INPP5F: variants seen among roughly 807,000 people sequenced by gnomAD.
INPP5F encodes inositol polyphosphate-5-phosphatase F.
A neutral mutation model predicts 137.2 loss-of-function variants in INPP5F; 97 were observed. That is an observed-to-expected ratio of 0.71 (90% confidence interval 0.60 to 0.84). The LOEUF is 0.84. INPP5F is among the 40% of genes least tolerant of loss of function. INPP5F has a pLI of 0.00. For missense variants in INPP5F, 1,271 were observed against 1,371.9 expected (o/e 0.93, Z 1.16); for synonymous variants, 504 against 476.9 (o/e 1.06, Z -0.74).
At chr10:119,757,731 C>T (rs1248878948) in intron 2 of INPP5F, among the ~76,000 whole-genome samples, 1 of 152,070 alleles carries the variant, frequency 6.6e-6, no homozygotes, top group Non-Finnish European at 1.5e-5. Context: ...GTGGATGCTG[C>T]AGTGAGCTGA....
At chr10:119,785,656 C>T (rs1167891272) in intron 3 of INPP5F, among the ~76,000 whole-genome samples, 1 of 151,128 alleles carries the variant, frequency 6.6e-6, no homozygotes, top group Non-Finnish European at 1.5e-5. Flanking sequence ...GCCAGGAGTT[C>T]GAGACCAGCC....
At chr10:119,814,219 GTC>G (rs1287786853) in intron 15 of INPP5F, among the ~76,000 whole-genome samples, 2 of 151,858 alleles carry the variant, frequency 1.3e-5, no homozygotes, top group Non-Finnish European at 2.9e-5. Flanking sequence ...GAGAAACCTC[GTC>G]TCTACTAAAA....
At chr10:119,786,771 T>C (rs144855082) in intron 3 of INPP5F, among the ~76,000 whole-genome samples, 152 of 152,216 alleles carry the variant, frequency 1.0e-3, no homozygotes, top group African/African-American at 3.5e-3. Flanking sequence ...TGCCTACCTT[T>C]ACCTCCCAAA....
intron 2 of INPP5F, 83 bp from the exon 3 acceptor site, chr10:119,781,552 C>G: frequency 8.6e-7 from 1 of 1,163,734 alleles, no homozygotes; most frequent in South Asian, 2.6e-5. Context: ...TTTTTGTTAT[C>G]ATTGTTAGGT....
intron 9 of INPP5F, among the ~76,000 whole-genome samples, chr10:119,801,294 C>T (rs1850583113): frequency 6.6e-6 from 1 of 152,178 alleles, no homozygotes; most frequent in African/African-American, 2.4e-5. Context: ...AAAAATCCCA[C>T]AAAACAAAAT....
chr10:119,731,480 A>G (rs959236709), intron 1 of INPP5F, among the ~76,000 whole-genome samples: 3 of 152,184 alleles, frequency 2.0e-5, no homozygotes, highest in Admixed American at 2.0e-4. Flanking sequence ...CCTAGCCAAC[A>G]TGGTAAAACC....
intron 6 of INPP5F, among the ~76,000 whole-genome samples, chr10:119,795,697 A>G (rs897467419): frequency 6.6e-6 from 1 of 152,092 alleles, no homozygotes. Context: ...AGAGGCTGCA[A>G]TCTCGGCACT....
At chr10:119,790,910 G>A (rs890903463) in intron 3 of INPP5F, among the ~76,000 whole-genome samples, 2 of 152,286 alleles carry the variant, frequency 1.3e-5, no homozygotes, top group Middle Eastern at 3.4e-3. Context: ...CAGCTGTGCG[G>A]CACTTCTCCT....
At chr10:119,774,256 G>A (rs1849449572) in intron 2 of INPP5F, among the ~76,000 whole-genome samples, 1 of 91,844 alleles carries the variant, frequency 1.1e-5, no homozygotes, top group Non-Finnish European at 2.0e-5. Flanking sequence ...GGGAGACTCA[G>A]TCTCCAAAAA....
At chr10:119,809,216 G>T (rs2134252306) in intron 13 of INPP5F, among the ~76,000 whole-genome samples, 1 of 122,106 alleles carries the variant, frequency 8.2e-6, no homozygotes, top group Admixed American at 1.0e-4. Flanking sequence ...GACAGAGCGA[G>T]ACTCTGTCTC....
At chr10:119,749,470 G>A (rs1848631655) in intron 1 of INPP5F, among the ~76,000 whole-genome samples, 2 of 152,228 alleles carry the variant, frequency 1.3e-5, no homozygotes, top group East Asian at 1.9e-4. Flanking sequence ...GGTGGGATAG[G>A]TGATGATTTT....
rs1851825283 is a variant in INPP5F, at chr10:119,827,639, A to G, written c.3258A>G (p.Gln1086=). ...SSMVQVASIT[Q]AGLTHGINFA... is the part of the protein sequence containing the mutation. Reference sequence around the variant, plus strand: ...TGGTCCAGGTTGCTAGTATTACCCAAGCTGGATTAACCCATGGGATAAACT... The same window carrying G: ...TGGTCCAGGTTGCTAGTATTACCCAGGCTGGATTAACCCATGGGATAAACT... The change falls in exon 20 of 20, where the codon CAA becomes CAG. Residue 1086 remains glutamine (Q), a synonymous_variant. Coordinates refer to ENST00000650623, the MANE Select transcript of INPP5F (RefSeq NM_014937.4). 1 of 1,614,040 alleles carries G rather than the reference A, an allele frequency of 6.2e-7. No individual in the cohort carries two copies. Among genetic ancestry groups the G allele is most frequent in the Admixed American group, 1.7e-5 (1 of 60,008 alleles).
At position 119,827,899 on chromosome 10, in the gene INPP5F, G is replaced by C; in HGVS notation, c.*119G>C. ...ATCACAAATTCTGTTCATTGGAAAG[G>C]GTTTTAAACGGAGTCGGAACCTGAG... On this transcript the variant is annotated 3_prime_UTR_variant, in exon 20 of 20. Coordinates refer to ENST00000650623, the MANE Select transcript of INPP5F (RefSeq NM_014937.4). 2 of 799,052 alleles carry C rather than the reference G, an allele frequency of 2.5e-6. No individual in the cohort carries two copies. Among genetic ancestry groups the C allele is most frequent in the Non-Finnish European group, 3.9e-6 (2 of 510,880 alleles). The allele number at this position is 799,052 out of a possible 1,614,324, so 49.5% of individuals were successfully genotyped here.
intron 15 of INPP5F, chr10:119,819,312 T>TG (rs1408509082): frequency 2.2e-4 from 51 of 228,572 alleles, no homozygotes; most frequent in African/African-American, 2.6e-4. Flanking sequence ...AAATTGGGGG[T>TG]GGGGGGAGGG....
chr10:119,825,043 CTTTACTTCAGT>C (rs2134305080), intron 19 of INPP5F, among the ~76,000 whole-genome samples: 1 of 152,272 alleles, frequency 6.6e-6, no homozygotes, highest in African/African-American at 2.4e-5. Context: ...AAACATACTC[CTTTACTTCAGT>C]TTTGTTATCT....
chr10:119,756,697 A>G (rs1055256452), intron 2 of INPP5F, among the ~76,000 whole-genome samples: 4 of 152,306 alleles, frequency 2.6e-5, no homozygotes, highest in African/African-American at 9.6e-5. Flanking sequence ...CATTGTGAAA[A>G]TGTATAAAAA....
At chr10:119,738,168 A>T (rs1283946096) in intron 1 of INPP5F, among the ~76,000 whole-genome samples, 1 of 152,242 alleles carries the variant, frequency 6.6e-6, no homozygotes, top group Non-Finnish European at 1.5e-5. Flanking sequence ...AATTGAGCTT[A>T]TTGCAAATAC....
intron 2 of INPP5F, among the ~76,000 whole-genome samples, chr10:119,756,297 C>T (rs906624630): frequency 2.3e-4 from 35 of 152,048 alleles, no homozygotes; most frequent in Non-Finnish European, 3.2e-4. Flanking sequence ...AAATTTTAAA[C>T]ATGGACTATT....
intron 9 of INPP5F, among the ~76,000 whole-genome samples, chr10:119,800,387 C>T (rs1850539995): frequency 7.0e-6 from 1 of 142,554 alleles, no homozygotes; most frequent in Non-Finnish European, 1.5e-5. Context: ...AACCCTGTCT[C>T]TACTGAAAAA....
Sources: allele counts gnomAD v4.1 joint callset (sites outside exome capture counted in the v4.1 genomes callset), GRCh38; gene constraint gnomAD v4.1.1; transcripts MANE v1.5; gene names NCBI Gene and HGNC (gene_info 2026-07-23, HGNC 2026-07-21).